Variants in AP3S1 observed in about 807,000 individuals in gnomAD.
The protein encoded by AP3S1 is AP-3 complex subunit sigma-1.
In AP3S1, 12 loss-of-function variants were observed where a neutral mutation model predicts 21.3. The ratio of observed to expected loss-of-function variants is 0.56; its 90% CI spans 0.36 to 0.91. The LOEUF (loss-of-function observed/expected upper bound fraction) is 0.91. Ranked by LOEUF, AP3S1 falls within the 40% of genes least tolerant of loss-of-function variation. The pLI is 0.01. For missense variants in AP3S1, 116 were observed against 225.0 expected, an observed-to-expected ratio of 0.52 and a Z score of 3.10; for synonymous variants, 48 against 78.4, an observed-to-expected ratio of 0.61 and a Z score of 2.05.
intron 4 of AP3S1, among the ~76,000 whole-genome samples, chr5:115,897,061 GCATT>G (rs1750813326): frequency 6.6e-6 from 1 of 152,136 alleles, no homozygotes; most frequent in African/African-American, 2.4e-5. Context: ...TCATTAGTAT[GCATT>G]CATTTTAGAA....
chr5:115,891,698 T>A (rs920431466), intron 3 of AP3S1, among the ~76,000 whole-genome samples: 2 of 152,120 alleles, frequency 1.3e-5, no homozygotes, highest in Non-Finnish European at 2.9e-5. Context: ...CGTGGAGTTA[T>A]GAGAAGAGGG....
chr5:115,849,077 T>C (rs1246608266), intron 1 of AP3S1, among the ~76,000 whole-genome samples: 2 of 152,238 alleles, frequency 1.3e-5, no homozygotes, highest in African/African-American at 4.8e-5. Flanking sequence ...TCTCTTTTCC[T>C]GTCCATATTC....
intron 1 of AP3S1, among the ~76,000 whole-genome samples, chr5:115,843,929 G>C (rs1382231921): frequency 1.3e-5 from 2 of 152,208 alleles, no homozygotes; most frequent in East Asian, 3.8e-4. Flanking sequence ...AGGAGTGGCA[G>C]CTCTGGTGGC....
Position 115,895,082 on chromosome 5 carries a change from C to A in AP3S1, c.274-5C>A. 1 of 1,582,298 alleles carries A rather than the reference C, an allele frequency of 6.3e-7. No homozygotes were observed. Among genetic ancestry groups the A allele is most frequent in the South Asian group, 1.2e-5 (1 of 85,414 alleles). ...GTTCTTAAAACCTTTTTTCTTTTTCCATAGGTATTTGTGGAAACATTAGAC... is the reference window on the plus strand; with the variant it reads ...GTTCTTAAAACCTTTTTTCTTTTTCAATAGGTATTTGTGGAAACATTAGAC... On this transcript the variant is annotated splice_polypyrimidine_tract_variant and splice_region_variant and intron_variant, in intron 3 of 5. Coordinates refer to ENST00000316788, the MANE Select transcript of AP3S1 (RefSeq NM_001284.4).
intron 3 of AP3S1, among the ~76,000 whole-genome samples, chr5:115,886,550 G>A (rs1291676209): frequency 6.6e-6 from 1 of 152,160 alleles, no homozygotes; most frequent in Admixed American, 6.5e-5. Context: ...TAAGATTGCA[G>A]TATAGAATAC....
chr5:115,843,140 TC>T (rs772147012), intron 1 of AP3S1, among the ~76,000 whole-genome samples: 2 of 152,216 alleles, frequency 1.3e-5, no homozygotes, highest in Non-Finnish European at 2.9e-5. Context: ...AAAATTGGAC[TC>T]CCAGTGGTAG....
intron 3 of AP3S1, among the ~76,000 whole-genome samples, chr5:115,877,259 C>T (rs541580022): frequency 1.1e-4 from 17 of 152,058 alleles, no homozygotes; most frequent in African/African-American, 3.9e-4. Context: ...CATAGGTATA[C>T]ACATGCCATG....
chr5:115,854,124 T>C (rs1006691015), intron 1 of AP3S1, among the ~76,000 whole-genome samples: 2 of 152,156 alleles, frequency 1.3e-5, no homozygotes, highest in African/African-American at 4.8e-5. Context: ...AAACTTGCTT[T>C]GATAACCCAC....
chr5:115,911,457 CTTCT>C (rs1248912414), intron 5 of AP3S1, among the ~76,000 whole-genome samples: 17 of 151,136 alleles, frequency 1.1e-4, no homozygotes, highest in African/African-American at 3.9e-4. Context: ...CATTATTTGT[CTTCT>C]TTATGGAAAT....
intron 1 of AP3S1, among the ~76,000 whole-genome samples, chr5:115,844,176 TA>T (rs1039837395): frequency 6.6e-6 from 1 of 152,264 alleles, no homozygotes; most frequent in Non-Finnish European, 1.5e-5. Context: ...TGAGGGCAGT[TA>T]TTTTTTTTCA....
intron 3 of AP3S1, among the ~76,000 whole-genome samples, chr5:115,872,413 A>C (rs1199013260): frequency 6.6e-6 from 1 of 152,238 alleles, no homozygotes; most frequent in Non-Finnish European, 1.5e-5. Flanking sequence ...GCTGGGTATC[A>C]AAGTTACATG....
chr5:115,910,817 T>G (rs1181049730), intron 5 of AP3S1, among the ~76,000 whole-genome samples: 3 of 152,188 alleles, frequency 2.0e-5, no homozygotes, highest in Admixed American at 6.5e-5. Context: ...GATTTCTTTT[T>G]AAAACGTTAG....
At chr5:115,900,863 A>G (rs573598443) in intron 4 of AP3S1, among the ~76,000 whole-genome samples, 1 of 152,084 alleles carries the variant, frequency 6.6e-6, no homozygotes, top group African/African-American at 2.4e-5. Flanking sequence ...ATCATTGACC[A>G]CTTCTTAATA....
chr5:115,876,801 A>G (rs1748757855), intron 3 of AP3S1, among the ~76,000 whole-genome samples: 1 of 152,030 alleles, frequency 6.6e-6, no homozygotes, highest in Non-Finnish European at 1.5e-5. Flanking sequence ...ATACTTCTTA[A>G]TGATTTAGAT....
chr5:115,868,243 T>C (rs1220462670), intron 2 of AP3S1, among the ~76,000 whole-genome samples: 3 of 152,210 alleles, frequency 2.0e-5, no homozygotes, highest in African/African-American at 7.2e-5. Context: ...TTGAAACTTA[T>C]ATTCTTCAGA....
In AP3S1 at chr5:115,903,189, ATTC is replaced by A. The variant is rs545984224; in HGVS notation, c.453+203_453+205del. ...TGTTCTCTACCCAACAGCTTTGTGT[ATTC>A]TTCTTTTAGCCACAGTCATAGCTGC... On this transcript the variant is annotated intron_variant, in intron 5 of 5. Coordinates refer to ENST00000316788, the MANE Select transcript of AP3S1 (RefSeq NM_001284.4). 64 of 406,634 alleles carry A rather than the reference ATTC, an allele frequency of 1.6e-4. No individual in the cohort carries two copies. In the South Asian group the frequency reaches 1.8e-3, roughly 11 times the overall value. 25.2% of individuals were successfully genotyped at this position (406,634 alleles called of 1,614,324 possible). A position where few individuals can be genotyped will look rare whatever the true frequency, so the allele number is the denominator to read the frequency against.
intron 4 of AP3S1, 40 bp downstream of exon 4, chr5:115,895,198 A>C (rs765056424): frequency 7.3e-7 from 1 of 1,365,486 alleles, no homozygotes; most frequent in Non-Finnish European, 1.0e-6. Flanking sequence ...TTTAAGAAAA[A>C]CATTAACTTA....
Position 115,842,050 on chromosome 5 carries a change from A to G in AP3S1, c.13A>G (p.Ile5Val). 1 of 1,592,716 alleles carries G rather than the reference A, an allele frequency of 6.3e-7. No homozygotes were observed. Among genetic ancestry groups the G allele is most frequent in the Non-Finnish European group, 8.5e-7 (1 of 1,170,366 alleles). ...GCCCGGCACAGCCATGATCAAGGCG[A>G]TCCTAATCTTCAACAACCACGGGAA... MIKA[I>V]LIFNNHGKPR... is the part of the protein sequence containing the mutation. Residue 5 changes from isoleucine to valine, a missense_variant, in exon 1 of 6, where the codon ATC (isoleucine) becomes GTC (valine). Around this residue, in one of 3 missense-constraint regions of AP3S1, gnomAD observed 50 missense variants for 55.5 expected, o/e 0.90. Coordinates refer to ENST00000316788, the MANE Select transcript of AP3S1 (RefSeq NM_001284.4).
intron 1 of AP3S1, among the ~76,000 whole-genome samples, chr5:115,852,026 C>T (rs972332333): frequency 6.6e-6 from 1 of 152,048 alleles, no homozygotes; most frequent in Non-Finnish European, 1.5e-5. Context: ...CATACAAAGA[C>T]TTAGTAACTG....
Sources: allele counts gnomAD v4.1 joint callset (sites outside exome capture counted in the v4.1 genomes callset), GRCh38; gene constraint gnomAD v4.1.1; regional missense constraint gnomAD v4.1.1; transcripts MANE v1.5; gene names NCBI Gene and HGNC (gene_info 2026-07-23, HGNC 2026-07-21).